SLC14A2: variants seen among roughly 807,000 people sequenced by gnomAD.
The protein encoded by SLC14A2 is solute carrier family 14 member 2, also known as urea transporter 2.
In SLC14A2, 91 loss-of-function variants were observed where a neutral mutation model predicts 104.6. That is an observed-to-expected ratio of 0.87 (90% confidence interval 0.73 to 1.04). The LOEUF (loss-of-function observed/expected upper bound fraction) is 1.04, where lower values mean the gene tolerates loss of function less well. Among genes scored for constraint, SLC14A2 ranks in the 50% least tolerant of loss-of-function variants. SLC14A2 has a pLI of 0.00. For missense variants in SLC14A2, 1,189 were observed against 1,156.0 expected, an observed-to-expected ratio of 1.03 and a Z score of -0.41; for synonymous variants, 476 against 466.4, an observed-to-expected ratio of 1.02 and a Z score of -0.27.
intron 1 of SLC14A2, among the ~76,000 whole-genome samples, chr18:45,383,668 C>T (rs756036625): frequency 1.3e-5 from 2 of 152,182 alleles, no homozygotes; most frequent in Non-Finnish European, 2.9e-5. Context: ...GTGTTCATAT[C>T]CTCATGATGC....
intron 1 of SLC14A2, among the ~76,000 whole-genome samples, chr18:45,425,867 T>A (rs2086417439): frequency 1.3e-5 from 2 of 152,144 alleles, no homozygotes. Flanking sequence ...CTAGGGTATT[T>A]TTTTTTAAAG....
intron 1 of SLC14A2, among the ~76,000 whole-genome samples, chr18:45,475,642 G>GATATAT (rs137928157): frequency 6.1e-5 from 3 of 49,224 alleles, no homozygotes; most frequent in Non-Finnish European, 7.9e-5. Context: ...ATATATTTAG[G>GATATAT]ATATATATAT....
chr18:45,177,628 G>A, the SLC14A2 span, among the ~76,000 whole-genome samples: 1 of 152,116 alleles, frequency 6.6e-6, no homozygotes, highest in Non-Finnish European at 1.5e-5. Context: ...GTTAGTGCCA[G>A]AGGAGTCTTC....
chr18:45,286,818 T>C (rs1283125665), intron 1 of SLC14A2, among the ~76,000 whole-genome samples: 2 of 152,184 alleles, frequency 1.3e-5, no homozygotes, highest in Non-Finnish European at 2.9e-5. Flanking sequence ...GGAAGGGCTA[T>C]GCAAATCTCA....
chr18:45,618,290 A>G (rs1286327212), intron 1 of SLC14A2, among the ~76,000 whole-genome samples: 1 of 152,206 alleles, frequency 6.6e-6, no homozygotes, highest in Non-Finnish European at 1.5e-5. Flanking sequence ...GGCAAAATAT[A>G]TCAATCCAAC....
chr18:45,312,684 G>A (rs1219275897), intron 1 of SLC14A2, among the ~76,000 whole-genome samples: 1 of 152,200 alleles, frequency 6.6e-6, no homozygotes, highest in East Asian at 1.9e-4. Context: ...TTCGCTGTGG[G>A]CTAATTGCTC....
chr18:45,544,925 C>T (rs12150712), intron 2 of SLC14A2, among the ~76,000 whole-genome samples: 25,249 of 151,162 alleles, frequency 0.17, 2,368 homozygotes, highest in Non-Finnish European at 0.21. Context: ...CCCAAGTAAC[C>T]GGGATTACAG....
At chr18:45,464,740 G>C (rs1409581614) in intron 1 of SLC14A2, among the ~76,000 whole-genome samples, 1 of 152,184 alleles carries the variant, frequency 6.6e-6, no homozygotes, top group Admixed American at 6.5e-5. Flanking sequence ...GACCTTTGCA[G>C]GTTGTCGCAT....
intron 1 of SLC14A2, among the ~76,000 whole-genome samples, chr18:45,457,320 G>A (rs941371446): frequency 3.3e-5 from 5 of 152,020 alleles, no homozygotes; most frequent in African/African-American, 7.2e-5. Context: ...CATCCCAGAC[G>A]TACAGCATCT....
At position 45,663,809 on chromosome 18, in the gene SLC14A2, C is replaced by A; in HGVS notation, c.1376C>A (p.Thr459Lys). The A allele has an allele frequency of 6.2e-7, 1 of 1,612,982 alleles. No individual in the cohort carries two copies. The highest frequency in any genetic ancestry group is 2.2e-5 in the East Asian group (1 of 44,864). ...PSGGGGEHPPTAGPKVEEGSE... is the reference protein window; with the variant it reads ...PSGGGGEHPPKAGPKVEEGSE... ...GGAGGCGGTGGGGAGCATCCACCCACAGCAGGCCCAAAGGTGGAGGAGGGC... is the reference window on the plus strand; with the variant it reads ...GGAGGCGGTGGGGAGCATCCACCCAAAGCAGGCCCAAAGGTGGAGGAGGGC... The change falls in exon 11 of 20, where the codon ACA becomes AAA. Residue 459 changes from threonine to lysine, a missense_variant. Transcript: ENST00000255226.
chr18:45,672,304 C>A (rs948030466), intron 16 of SLC14A2, among the ~76,000 whole-genome samples: 3 of 152,050 alleles, frequency 2.0e-5, no homozygotes, highest in Non-Finnish European at 4.4e-5. Context: ...CCAAGGCAGG[C>A]GGATCACCTG....
At chr18:45,472,163 T>C (rs1213501485) in intron 1 of SLC14A2, among the ~76,000 whole-genome samples, 3 of 152,176 alleles carry the variant, frequency 2.0e-5, no homozygotes, top group Non-Finnish European at 4.4e-5. Context: ...TTGCTGAGAA[T>C]GATGGTTTCC....
Position 45,625,755 on chromosome 18 carries a change from G to A in SLC14A2, c.223G>A (p.Asp75Asn). The part of the protein sequence containing the change: ...EKLNERSKRK[D>N]DGVAHRDSAG... ...GCTCAATGAAAGGAGTAAAAGGAAA[G>A]ACGACGGGGTGGCCCATCGGGACTC... Residue 75 changes from aspartate to asparagine, a missense_variant, in exon 3 of 20, where the codon GAC becomes AAC. Coordinates refer to ENST00000255226, the MANE Select transcript of SLC14A2 (RefSeq NM_007163.4). The A allele has an allele frequency of 6.4e-7, 1 of 1,565,902 alleles. No individual in the cohort carries two copies. The highest frequency in any genetic ancestry group is 1.4e-5 in the African/African-American group (1 of 71,674).
At chr18:45,337,574 A>G (rs1417648680) in intron 1 of SLC14A2, among the ~76,000 whole-genome samples, 1 of 152,220 alleles carries the variant, frequency 6.6e-6, no homozygotes, top group Admixed American at 6.5e-5. Context: ...ATTCCCTGCC[A>G]TGACAGGAAA....
At chr18:45,553,577 C>T (rs1344486160) in intron 2 of SLC14A2, among the ~76,000 whole-genome samples, 2 of 152,050 alleles carry the variant, frequency 1.3e-5, no homozygotes, top group African/African-American at 4.8e-5. Context: ...ATGAGGTCAA[C>T]TTTCATTAGA....
chr18:45,213,959 T>C (rs923034000), intron 1 of SLC14A2, among the ~76,000 whole-genome samples: 5 of 152,154 alleles, frequency 3.3e-5, no homozygotes, highest in Non-Finnish European at 2.9e-5. Flanking sequence ...GTTACCTATA[T>C]GATCAATAGA....
At chr18:45,377,384 A>G (rs2085786898) in intron 1 of SLC14A2, among the ~76,000 whole-genome samples, 2 of 152,048 alleles carry the variant, frequency 1.3e-5, no homozygotes. Flanking sequence ...TACTCCAATG[A>G]CTTTTAAATC....
chr18:45,567,129 C>T (rs1254245404), intron 2 of SLC14A2, among the ~76,000 whole-genome samples: 2 of 148,486 alleles, frequency 1.3e-5, no homozygotes. Context: ...GACCAGGGAG[C>T]AAGGCTGACA....
chr18:45,201,653 T>A, the SLC14A2 span, among the ~76,000 whole-genome samples: 1 of 152,030 alleles, frequency 6.6e-6, no homozygotes, highest in Admixed American at 6.6e-5. Flanking sequence ...AGCCTTAGAA[T>A]CAGCCATTTC....
Sources: gnomAD v4.1 joint callset for allele counts (sites outside exome capture counted in the v4.1 genomes callset) on GRCh38, gnomAD v4.1.1 for gene constraint, MANE v1.5 for transcripts, NCBI Gene and HGNC (gene_info 2026-07-23, HGNC 2026-07-21) for gene names.